PNLIPRP3: variants seen among roughly 807,000 people sequenced by gnomAD.
PNLIPRP3 encodes pancreatic lipase-related protein 3.
In PNLIPRP3, 58 loss-of-function variants were observed where a neutral mutation model predicts 52.8. The observed-to-expected ratio is 1.10, with a 90% CI of 0.89 to 1.37. The LOEUF (loss-of-function observed/expected upper bound fraction) is 1.37. Ranked by LOEUF, PNLIPRP3 falls within the 40% of genes most tolerant of loss-of-function variation. PNLIPRP3 has a pLI of 0.00. For synonymous variants in PNLIPRP3, 192 were observed against 185.0 expected, an observed-to-expected ratio of 1.04 and a Z score of -0.31; for missense variants, 593 against 561.6, an observed-to-expected ratio of 1.06 and a Z score of -0.57.
At chr10:116,453,492 G>C (rs931104831) in intron 4 of PNLIPRP3, among the ~76,000 whole-genome samples, 19 of 152,028 alleles carry the variant, frequency 1.2e-4, no homozygotes, top group African/African-American at 4.1e-4. Flanking sequence ...GATATGGTTT[G>C]GATGTGTGTC....
intron 4 of PNLIPRP3, among the ~76,000 whole-genome samples, chr10:116,453,185 G>A (rs1213218306): frequency 6.6e-6 from 1 of 152,122 alleles, no homozygotes; most frequent in Non-Finnish European, 1.5e-5. Flanking sequence ...TGCCCTGCTG[G>A]GTTTCAGATT....
At chr10:116,451,910 G>A (rs1253194355) in intron 4 of PNLIPRP3, among the ~76,000 whole-genome samples, 1 of 152,190 alleles carries the variant, frequency 6.6e-6, no homozygotes, top group Non-Finnish European at 1.5e-5. Flanking sequence ...AGTGATTTTG[G>A]AGCTGGGAAA....
At chr10:116,470,850 G>A (rs997635591) in intron 9 of PNLIPRP3, among the ~76,000 whole-genome samples, 7 of 152,124 alleles carry the variant, frequency 4.6e-5, no homozygotes, top group African/African-American at 1.7e-4. Context: ...GAAGTCCTGT[G>A]TCTTCTTTTG....
At chr10:116,443,800 TGC>T (rs1381643469) in intron 3 of PNLIPRP3, among the ~76,000 whole-genome samples, 874 of 4,100 alleles carry the variant, frequency 0.21, 24 homozygotes, top group Admixed American at 0.23. Context: ...TATGTGTGTG[TGC>T]ATATATATAT....
At chr10:116,467,618 C>A (rs1205236895) in intron 8 of PNLIPRP3, among the ~76,000 whole-genome samples, 1 of 152,072 alleles carries the variant, frequency 6.6e-6, no homozygotes, top group Non-Finnish European at 1.5e-5. Flanking sequence ...TTCAATCCTT[C>A]CCCTAAGGCA....
rs867055552 is a variant in PNLIPRP3 at position 116,466,678 on chromosome 10, C to T, written c.927+510C>T. ...ACACAGATCAATATGTGACAAACTACCAAATCTGATTTTACTTGAGTAAAA... is the reference window on the plus strand; with the variant it reads ...ACACAGATCAATATGTGACAAACTATCAAATCTGATTTTACTTGAGTAAAA... On this transcript the variant is annotated intron_variant, in intron 8 of 11. Transcript: ENST00000369230. Among the ~76,000 whole-genome samples, 4 of 152,122 alleles carry T rather than the reference C, an allele frequency of 2.6e-5. No homozygotes were observed. In the South Asian group the frequency reaches 8.3e-4, roughly 32 times the overall value.
chr10:116,443,199 T>C (rs950585470), intron 3 of PNLIPRP3, 25 bp downstream of exon 3: 38 of 1,595,660 alleles, frequency 2.4e-5, no homozygotes, highest in Non-Finnish European at 2.7e-5. Flanking sequence ...AGCTCCTTTT[T>C]ACACTAGCAT....
At chr10:116,465,242 T>TA (rs1439734508) in intron 7 of PNLIPRP3, among the ~76,000 whole-genome samples, 2 of 151,938 alleles carry the variant, frequency 1.3e-5, no homozygotes, top group African/African-American at 4.8e-5. Flanking sequence ...TTAGATTGGT[T>TA]AAAAAACCTT....
intron 1 of PNLIPRP3, among the ~76,000 whole-genome samples, chr10:116,429,846 C>A (rs2133106170): frequency 1.3e-5 from 2 of 152,252 alleles, no homozygotes; most frequent in South Asian, 4.1e-4. Flanking sequence ...TCCTAGGACA[C>A]TTCCTCATTA....
chr10:116,471,932 C>G (rs1846380314), intron 10 of PNLIPRP3, 53 bp downstream of exon 10: 1 of 1,063,576 alleles, frequency 9.4e-7, no homozygotes, highest in South Asian at 1.4e-5. Context: ...CTCAGTAACA[C>G]TAAGTGAGAC....
Position 116,444,472 on chromosome 10 carries a change from G to A in PNLIPRP3, c.415G>A (p.Val139Ile), listed in dbSNP as rs1473242220. Residue 139 changes from valine (V) to isoleucine (I), a missense_variant, in exon 4 of 12, where the codon GTT becomes ATT. Transcript: ENST00000369230. ...EYIHAVNNLR[V>I]VGAEVAYFID... ...CATCCATGCTGTAAACAATCTCCGTGTTGTTGGTGCTGAGGTGGCTTATTT... is the reference window on the plus strand; with the variant it reads ...CATCCATGCTGTAAACAATCTCCGTATTGTTGGTGCTGAGGTGGCTTATTT... The A allele has an allele frequency of 1.9e-6, 3 of 1,613,776 alleles. No homozygotes were observed. The highest frequency in any genetic ancestry group is 1.7e-5 in the Admixed American group (1 of 60,024).
chr10:116,449,449 A>T (rs1846004475), intron 4 of PNLIPRP3, among the ~76,000 whole-genome samples: 2 of 152,236 alleles, frequency 1.3e-5, no homozygotes, highest in East Asian at 3.8e-4. Context: ...ATGTACTTGT[A>T]TCTGACAAAA....
At chr10:116,474,752 A>G (rs1276796750) in intron 10 of PNLIPRP3, among the ~76,000 whole-genome samples, 3 of 152,236 alleles carry the variant, frequency 2.0e-5, no homozygotes, top group Non-Finnish European at 4.4e-5. Flanking sequence ...ACAATAAGAT[A>G]CCATCTCACA....
intron 5 of PNLIPRP3, among the ~76,000 whole-genome samples, chr10:116,456,508 G>GA (rs1846115866): frequency 6.6e-6 from 1 of 152,162 alleles, no homozygotes; most frequent in South Asian, 2.1e-4. Context: ...GAATGAGTTT[G>GA]AATCCCACTG....
chr10:116,442,984 A>T, intron 2 of PNLIPRP3, 71 bp from the exon 3 acceptor site: 2 of 1,224,766 alleles, frequency 1.6e-6, no homozygotes, highest in Non-Finnish European at 2.2e-6. Flanking sequence ...GAGCAGCTTT[A>T]GAATAGGTCT....
chr10:116,451,899 A>C (rs1846045119), intron 4 of PNLIPRP3, among the ~76,000 whole-genome samples: 1 of 152,186 alleles, frequency 6.6e-6, no homozygotes, highest in African/African-American at 2.4e-5. Flanking sequence ...CAAAATGTGG[A>C]AGTGATTTTG....
intron 1 of PNLIPRP3, among the ~76,000 whole-genome samples, chr10:116,429,428 G>T (rs1462171677): frequency 9.9e-5 from 15 of 152,182 alleles, no homozygotes; most frequent in Non-Finnish European, 2.9e-5. Context: ...GGACATATTA[G>T]TAGTGAGCAA....
At chr10:116,445,720 T>C (rs1845939054) in intron 4 of PNLIPRP3, among the ~76,000 whole-genome samples, 2 of 152,192 alleles carry the variant, frequency 1.3e-5, no homozygotes, top group African/African-American at 4.8e-5. Context: ...TGAATTAAAA[T>C]GTTCATTGAA....
chr10:116,452,365 A>G (rs1846051747), intron 4 of PNLIPRP3, among the ~76,000 whole-genome samples: 2 of 152,378 alleles, frequency 1.3e-5, no homozygotes, highest in South Asian at 2.1e-4. Context: ...TAGCCTAGCC[A>G]TGTGGCAGAC....
Sources: gnomAD v4.1 joint callset for allele counts (sites outside exome capture counted in the v4.1 genomes callset) on GRCh38, gnomAD v4.1.1 for gene constraint, MANE v1.5 for transcripts, NCBI Gene and HGNC (gene_info 2026-07-23, HGNC 2026-07-21) for gene names.